Variants in KCTD16 observed in about 807,000 individuals in gnomAD.
The protein encoded by KCTD16 is potassium channel tetramerization domain containing 16, also known as BTB/POZ domain-containing protein KCTD16.
In KCTD16, 13 loss-of-function variants were observed where a neutral mutation model predicts 33.2. The observed-to-expected ratio is 0.39, with a 90% CI of 0.25 to 0.62. The LOEUF (loss-of-function observed/expected upper bound fraction) is 0.62. KCTD16 is among the 20% of genes least tolerant of loss of function. The pLI is 0.50. For missense variants in KCTD16, 441 were observed against 525.1 expected (o/e 0.84, Z 1.57); for synonymous variants, 197 against 195.3 (o/e 1.01, Z -0.07).
Position 144,473,775 on chromosome 5 carries a change from C to A in KCTD16, c.948C>A (p.Asp316Glu). ...ATGACCTCTCCACATCTAGCTGCGA[C>A]AGCCAGTCTGAGGCCAGCTCTCCCC... is the stretch of plus-strand genomic sequence containing the variant. ...SCNDLSTSSCDSQSEASSPQE... is the reference protein window; with the variant it reads ...SCNDLSTSSCESQSEASSPQE... Residue 316 changes from aspartate to glutamate, a missense_variant, in exon 4 of 4, where the codon GAC becomes GAA. Around this residue, in one of 3 missense-constraint regions of KCTD16, gnomAD observed 355 missense variants for 413.0 expected, o/e 0.86. Transcript: ENST00000512467. 6.2e-7 allele frequency: 1 copy of A among 1,614,132 alleles called. No individual in the cohort carries two copies. Among genetic ancestry groups the A allele is most frequent in the Non-Finnish European group, 8.5e-7 (1 of 1,180,008 alleles).
chr5:144,200,627 C>A (rs1753026399), intron 2 of KCTD16, among the ~76,000 whole-genome samples: 1 of 152,194 alleles, frequency 6.6e-6, no homozygotes, highest in Non-Finnish European at 1.5e-5. Context: ...GAAGCAGAGG[C>A]CATCTGAGGT....
chr5:144,270,790 GA>G (rs551065283), intron 3 of KCTD16, among the ~76,000 whole-genome samples: 187 of 151,468 alleles, frequency 1.2e-3, no homozygotes, highest in African/African-American at 4.0e-3. Flanking sequence ...AGTGTATTAA[GA>G]AAAAAAGAAT....
At chr5:144,468,815 G>A (rs1023431706) in intron 3 of KCTD16, among the ~76,000 whole-genome samples, 3 of 152,334 alleles carry the variant, frequency 2.0e-5, no homozygotes, top group Middle Eastern at 3.4e-3. Context: ...TTAGCAGGCG[G>A]AAAATTTGAA....
intron 3 of KCTD16, among the ~76,000 whole-genome samples, chr5:144,391,617 G>T (rs562646019): frequency 6.6e-6 from 1 of 152,180 alleles, no homozygotes; most frequent in African/African-American, 2.4e-5. Flanking sequence ...ACAATATTGG[G>T]CAAGTCTCTT....
chr5:144,301,440 T>C (rs141436934), intron 3 of KCTD16, among the ~76,000 whole-genome samples: 2 of 152,262 alleles, frequency 1.3e-5, no homozygotes, highest in African/African-American at 4.8e-5. Context: ...TGGTGAATTC[T>C]TAAATAAGAC....
intron 3 of KCTD16, among the ~76,000 whole-genome samples, chr5:144,230,754 G>T (rs1265832227): frequency 6.6e-6 from 1 of 152,142 alleles, no homozygotes; most frequent in African/African-American, 2.4e-5. Context: ...ACAAGTATTA[G>T]GAAAAAGTAG....
intron 3 of KCTD16, among the ~76,000 whole-genome samples, chr5:144,292,157 A>C (rs549185859): frequency 6.6e-6 from 1 of 152,348 alleles, no homozygotes; most frequent in South Asian, 2.1e-4. Context: ...AAAAATACTT[A>C]AGAGCACTTT....
intron 3 of KCTD16, among the ~76,000 whole-genome samples, chr5:144,467,027 C>CTATATATATTATATATATTATATATA (rs1460980757): frequency 1.5e-5 from 1 of 67,446 alleles, no homozygotes. Context: ...ATATATAACA[C>CTATATATATTATATATATTATATATA]TATATATTAT....
At chr5:144,355,792 G>A (rs1177732928) in intron 3 of KCTD16, among the ~76,000 whole-genome samples, 1 of 152,060 alleles carries the variant, frequency 6.6e-6, no homozygotes, top group Non-Finnish European at 1.5e-5. Context: ...AAGACACCAG[G>A]CTGATTTCTG....
intron 2 of KCTD16, among the ~76,000 whole-genome samples, chr5:144,200,731 G>T (rs1392102940): frequency 6.6e-6 from 1 of 152,158 alleles, no homozygotes; most frequent in African/African-American, 2.4e-5. Context: ...CAGTGCCCAA[G>T]AATCTATAAC....
At chr5:144,290,359 T>TG (rs1471716737) in intron 3 of KCTD16, among the ~76,000 whole-genome samples, 2 of 152,138 alleles carry the variant, frequency 1.3e-5, no homozygotes, top group African/African-American at 4.8e-5. Context: ...CGTATTTCTT[T>TG]GGGGAAAATT....
intron 3 of KCTD16, among the ~76,000 whole-genome samples, chr5:144,281,240 G>A (rs1187321300): frequency 6.6e-6 from 1 of 152,146 alleles, no homozygotes; most frequent in East Asian, 1.9e-4. Flanking sequence ...ATTAGTTTAA[G>A]TTCCATATGC....
chr5:144,462,263 T>C (rs1265242684), intron 3 of KCTD16, among the ~76,000 whole-genome samples: 1 of 152,174 alleles, frequency 6.6e-6, no homozygotes, highest in East Asian at 1.9e-4. Flanking sequence ...CTCTCCTCAC[T>C]TCCTTTGTCT....
intron 3 of KCTD16, among the ~76,000 whole-genome samples, chr5:144,306,629 C>T (rs146873167): frequency 6.2e-4 from 94 of 152,290 alleles, no homozygotes; most frequent in Admixed American, 4.0e-3. Context: ...CTCATTGGCT[C>T]GCATTACCTC....
chr5:144,213,910 G>A (rs1753479053), intron 3 of KCTD16, among the ~76,000 whole-genome samples: 1 of 152,152 alleles, frequency 6.6e-6, no homozygotes, highest in Admixed American at 6.5e-5. Flanking sequence ...CCATTCAGGT[G>A]CTGCAGTGGT....
intron 2 of KCTD16, among the ~76,000 whole-genome samples, chr5:144,182,832 G>A (rs545868232): frequency 2.3e-4 from 35 of 152,244 alleles, no homozygotes; most frequent in African/African-American, 8.2e-4. Flanking sequence ...AAGTACAATT[G>A]TGATCTTAAT....
At chr5:144,179,947 G>T (rs545190798) in intron 2 of KCTD16, among the ~76,000 whole-genome samples, 1 of 152,076 alleles carries the variant, frequency 6.6e-6, no homozygotes, top group Non-Finnish European at 1.5e-5. Flanking sequence ...AGTTCTACTC[G>T]CCCATTTTCC....
At chr5:144,421,782 G>C (rs1304198250) in intron 3 of KCTD16, among the ~76,000 whole-genome samples, 1 of 152,086 alleles carries the variant, frequency 6.6e-6, no homozygotes, top group Non-Finnish European at 1.5e-5. Context: ...GAATAGGCTT[G>C]TTCTGGAAAA....
chr5:144,230,370 G>C (rs549144453), intron 3 of KCTD16, among the ~76,000 whole-genome samples: 2 of 152,138 alleles, frequency 1.3e-5, no homozygotes, highest in African/African-American at 4.8e-5. Flanking sequence ...GCTGATATTG[G>C]TGATAAGAAC....
Sources: gnomAD v4.1 joint callset for allele counts (sites outside exome capture counted in the v4.1 genomes callset) on GRCh38, gnomAD v4.1.1 for gene constraint, gnomAD v4.1.1 regional missense constraint, MANE v1.5 for transcripts, NCBI Gene and HGNC (gene_info 2026-07-23, HGNC 2026-07-21) for gene names.